CDK5RAP2: variants seen among roughly 807,000 people sequenced by gnomAD.
CDK5RAP2 encodes CDK5 regulatory subunit associated protein 2.
CDK5RAP2 carries 147 observed loss-of-function variants against 232.9 expected under a neutral mutation model. That is an observed-to-expected ratio of 0.63 (90% CI 0.55 to 0.72). The LOEUF (loss-of-function observed/expected upper bound fraction) is 0.72, where lower values mean the gene tolerates loss of function less well. Among genes scored for constraint, CDK5RAP2 ranks in the 30% least tolerant of loss-of-function variants. The probability of loss-of-function intolerance (pLI) is 0.00; values close to 1 mark genes in which losing one functional copy is unlikely to be tolerated. For synonymous variants in CDK5RAP2, 833 were observed against 833.7 expected, an observed-to-expected ratio of 1.00 and a Z score of 0.01; for missense variants, 2,195 against 2,231.5, an observed-to-expected ratio of 0.98 and a Z score of 0.33.
chr9:120,428,584 A>G (rs1161067189), intron 25 of CDK5RAP2, among the ~76,000 whole-genome samples: 2 of 152,250 alleles, frequency 1.3e-5, no homozygotes, highest in African/African-American at 2.4e-5. Context: ...GAATAGACCA[A>G]TAACAGGATC....
At chr9:120,479,303 T>A (rs950099019) in intron 14 of CDK5RAP2, among the ~76,000 whole-genome samples, 3 of 152,112 alleles carry the variant, frequency 2.0e-5, no homozygotes, top group African/African-American at 7.2e-5. Context: ...AAATCACCCT[T>A]CGCCAACCAT....
rs1450370139 is a variant in CDK5RAP2, at chr9:120,458,447, T to C, written c.2375+3A>G. On this transcript the variant is annotated splice_donor_region_variant and intron_variant, in intron 20 of 37. Transcript: ENST00000349780. ...CAAAGGAATGCCTGGGCCCCATGTA[T>C]ACCTGGATTCCAGTAATAATGTGGC... 2 of 1,613,886 alleles carry C rather than the reference T, an allele frequency of 1.2e-6. No homozygotes were observed. Among genetic ancestry groups the C allele is most frequent in the Non-Finnish European group, 1.7e-6 (2 of 1,179,876 alleles).
chr9:120,520,278 C>T (rs944715436), intron 11 of CDK5RAP2, among the ~76,000 whole-genome samples: 1 of 152,172 alleles, frequency 6.6e-6, no homozygotes, highest in Non-Finnish European at 1.5e-5. Flanking sequence ...GGCACAGTGG[C>T]TCGCTGCCTG....
Position 120,518,417 on chromosome 9 carries a change from C to T in CDK5RAP2, c.1311+10G>A, listed in dbSNP as rs757002064. ...TGTCCACTGTGTCAGAAGGGCAGGGCGGTACTCACACGGATGGTGCAGTCT... is the reference window on the plus strand; with the variant it reads ...TGTCCACTGTGTCAGAAGGGCAGGGTGGTACTCACACGGATGGTGCAGTCT... On this transcript the variant is annotated intron_variant, in intron 12 of 37. Transcript: ENST00000349780. 45 of 1,610,108 alleles carry T rather than the reference C, an allele frequency of 2.8e-5. No homozygotes were observed. The East Asian group carries it at 2.9e-4, about 10-fold the overall frequency.
At chr9:120,569,247 C>A (rs563966239) in intron 2 of CDK5RAP2, among the ~76,000 whole-genome samples, 13 of 152,344 alleles carry the variant, frequency 8.5e-5, no homozygotes, top group South Asian at 4.1e-4. Flanking sequence ...TGAGAATCCA[C>A]TTTCTGCTAG....
intron 12 of CDK5RAP2, among the ~76,000 whole-genome samples, chr9:120,505,363 G>C (rs2131740884): frequency 6.6e-6 from 1 of 152,234 alleles, no homozygotes; most frequent in Admixed American, 6.5e-5. Context: ...TGTATTCCAA[G>C]AGCTCCACCA....
chr9:120,579,868 A>G, intron 1 of CDK5RAP2, 52 bp downstream of exon 1: 1 of 1,459,982 alleles, frequency 6.8e-7, no homozygotes, highest in Non-Finnish European at 9.6e-7. Context: ...ACGAAATCCC[A>G]CCAGCTGGAA....
chr9:120,562,800 T>G (rs2042509278), intron 3 of CDK5RAP2, among the ~76,000 whole-genome samples: 1 of 152,010 alleles, frequency 6.6e-6, no homozygotes. Flanking sequence ...AAAGATCTGG[T>G]ATAGCAGGCA....
In CDK5RAP2 at chr9:120,407,073, G is replaced by A. The variant is rs779734957; in HGVS notation, c.4902C>T (p.Ala1634=). The A allele has an allele frequency of 1.9e-6, 3 of 1,614,130 alleles. No individual in the cohort carries two copies. The highest frequency in any genetic ancestry group is 2.5e-6 in the Non-Finnish European group (3 of 1,180,036). The change falls in exon 32 of 38, where the codon GCC becomes GCT. Residue 1634 remains alanine (A), a synonymous_variant. Coordinates refer to ENST00000349780, the MANE Select transcript of CDK5RAP2 (RefSeq NM_018249.6). ...ARGAEKAQEG[A]LTLAVQAVSI... is the part of the protein sequence containing the mutation. ...ACACGGCTTGGACAGCCAGAGTGAG[G>A]GCTCCTTCCTGTGCCTTCTCTGCCC...
At chr9:120,433,086 G>A (rs1046677551) in intron 25 of CDK5RAP2, among the ~76,000 whole-genome samples, 5 of 152,190 alleles carry the variant, frequency 3.3e-5, no homozygotes, top group African/African-American at 9.7e-5. Context: ...AAGCTGCTGG[G>A]CCCTTCGCAA....
Position 120,572,006 on chromosome 9 carries a change from C to A in CDK5RAP2, c.95G>T (p.Gly32Val). The change falls in exon 2 of 38, where the codon GGC (glycine) becomes GTC (valine). Residue 32 changes from glycine (G) to valine (V), a missense_variant. Physicochemically the swap from Gly to Val is moderately radical, Grantham distance 109 (BLOSUM62 -3). Transcript: ENST00000349780. ...LVPSVPDDLD[G>V]INPNAGLGNG... is the part of the protein sequence containing the mutation. ...TCCCAACCCAGCATTGGGGTTGATGCCATCCAGGTCATCTGGTACACTGGG... is the reference window on the plus strand; with the variant it reads ...TCCCAACCCAGCATTGGGGTTGATGACATCCAGGTCATCTGGTACACTGGG... The A allele has an allele frequency of 6.2e-7, 1 of 1,613,874 alleles. No homozygotes were observed. Among genetic ancestry groups the A allele is most frequent in the Non-Finnish European group, 8.5e-7 (1 of 1,179,766 alleles).
intron 14 of CDK5RAP2, among the ~76,000 whole-genome samples, chr9:120,486,760 G>C (rs1185036187): frequency 6.6e-6 from 1 of 152,194 alleles, no homozygotes; most frequent in African/African-American, 2.4e-5. Flanking sequence ...GTGACACTAA[G>C]ATGGCACCTG....
rs1451317355 is a variant in CDK5RAP2 at position 120,528,835 on chromosome 9, G to A, written c.826-38C>T. On this transcript the variant is annotated intron_variant, in intron 8 of 37. Transcript: ENST00000349780. ...ATTAATTGGTGTGAAGAAGGGACGTGCAATCCAACAGCTTCTCCAGAACAA... is the reference window on the plus strand; with the variant it reads ...ATTAATTGGTGTGAAGAAGGGACGTACAATCCAACAGCTTCTCCAGAACAA... 3 of 1,421,608 alleles carry A rather than the reference G, an allele frequency of 2.1e-6. No individual in the cohort carries two copies. In the South Asian group the frequency reaches 3.4e-5, roughly 16 times the overall value. 88.1% of individuals were successfully genotyped at this position (1,421,608 alleles called of 1,614,324 possible). A position where few individuals can be genotyped will look rare whatever the true frequency, so the allele number is the denominator to read the frequency against.
At chr9:120,495,928 T>TG (rs1432390224) in intron 12 of CDK5RAP2, among the ~76,000 whole-genome samples, 13 of 55,532 alleles carry the variant, frequency 2.3e-4, no homozygotes, top group Admixed American at 1.4e-4. Flanking sequence ...GGGAGGGAGA[T>TG]GGGGGGGTCA....
chr9:120,504,683 C>G (rs1027158556), intron 12 of CDK5RAP2, among the ~76,000 whole-genome samples: 1 of 152,212 alleles, frequency 6.6e-6, no homozygotes, highest in Admixed American at 6.5e-5. Flanking sequence ...AATGAAGCTA[C>G]CCTACGAGGA....
intron 1 of CDK5RAP2, among the ~76,000 whole-genome samples, chr9:120,579,011 C>G (rs2043144018): frequency 6.6e-6 from 1 of 152,170 alleles, no homozygotes; most frequent in South Asian, 2.1e-4. Flanking sequence ...CCTCCTCTTC[C>G]CTCTACTCAC....
intron 15 of CDK5RAP2, among the ~76,000 whole-genome samples, chr9:120,476,496 G>A (rs1281289723): frequency 1.3e-5 from 2 of 151,922 alleles, no homozygotes; most frequent in African/African-American, 4.8e-5. Flanking sequence ...TGGCTAACAT[G>A]GTGAAACACC....
intron 12 of CDK5RAP2, among the ~76,000 whole-genome samples, chr9:120,504,907 CA>C (rs894524193): frequency 3.3e-5 from 5 of 152,202 alleles, no homozygotes; most frequent in Admixed American, 2.0e-4. Flanking sequence ...ATCTCTTCCA[CA>C]AGGCCCAATT....
chr9:120,545,631 G>A, intron 5 of CDK5RAP2, 83 bp downstream of exon 5: 2 of 1,030,746 alleles, frequency 1.9e-6, no homozygotes, highest in East Asian at 2.4e-5. Context: ...GAAACCAACT[G>A]TCTTAGAAAA....
Sources: allele counts gnomAD v4.1 joint callset (sites outside exome capture counted in the v4.1 genomes callset), GRCh38; gene constraint gnomAD v4.1.1; transcripts MANE v1.5; gene names NCBI Gene and HGNC (gene_info 2026-07-23, HGNC 2026-07-21).